BLTP3B: variants seen among roughly 807,000 people sequenced by gnomAD.
BLTP3B encodes UHRF1 (ICBP90) binding protein 1-like.
At chr12:100,106,134 G>A in the BLTP3B span, among the ~76,000 whole-genome samples, 1 of 152,132 alleles carries the variant, frequency 6.6e-6, no homozygotes, top group Non-Finnish European at 1.5e-5. Flanking sequence ...AACCTCAATA[G>A]AAAACAGTAT....
At chr12:100,085,074 G>A in the BLTP3B span, among the ~76,000 whole-genome samples, 1 of 152,152 alleles carries the variant, frequency 6.6e-6, no homozygotes, top group Non-Finnish European at 1.5e-5. Flanking sequence ...AAAATGATAA[G>A]ATGATGATGA....
chr12:100,112,858 C>CA, the BLTP3B span, among the ~76,000 whole-genome samples: 3,902 of 60,246 alleles, frequency 0.065, 139 homozygotes, highest in Admixed American at 0.15. Flanking sequence ...GACTCCATCT[C>CA]AAAAAAAAAA....
the BLTP3B span, chr12:100,089,002 C>T: frequency 6.2e-7 from 1 of 1,611,816 alleles, no homozygotes; most frequent in East Asian, 2.2e-5. Context: ...ACATCAAAAT[C>T]ATTGAATAGT....
the BLTP3B span, among the ~76,000 whole-genome samples, chr12:100,104,556 T>C: frequency 1.3e-5 from 2 of 151,550 alleles, no homozygotes; most frequent in Admixed American, 6.6e-5. Context: ...TTAAAACAAA[T>C]CTTAATATCA....
chr12:100,057,729 C>T, the BLTP3B span: 46 of 1,610,618 alleles, frequency 2.9e-5, no homozygotes, highest in African/African-American at 4.0e-5. Context: ...GGGTGGGCAA[C>T]GTTCCTTAGG....
the BLTP3B span, among the ~76,000 whole-genome samples, chr12:100,071,808 CAAT>C: frequency 6.6e-6 from 1 of 152,010 alleles, no homozygotes; most frequent in African/African-American, 2.4e-5. Context: ...GTTACTTTTT[CAAT>C]AATATATAAA....
At chr12:100,048,899 A>G in the BLTP3B span, among the ~76,000 whole-genome samples, 2 of 151,980 alleles carry the variant, frequency 1.3e-5, no homozygotes, top group African/African-American at 4.8e-5. Flanking sequence ...TTTAAAAACA[A>G]ATTTTAAAAT....
the BLTP3B span, among the ~76,000 whole-genome samples, chr12:100,123,652 C>T: frequency 2.6e-5 from 4 of 152,132 alleles, no homozygotes; most frequent in Non-Finnish European, 5.9e-5. Flanking sequence ...CGGACAGGCT[C>T]TTTGAGTTTG....
chr12:100,132,434 G>A, the BLTP3B span, among the ~76,000 whole-genome samples: 1 of 152,106 alleles, frequency 6.6e-6, no homozygotes, highest in Non-Finnish European at 1.5e-5. Context: ...TCTTGCAGTA[G>A]TAAGTTCTCA....
the BLTP3B span, chr12:100,069,954 G>A: frequency 2.3e-5 from 27 of 1,183,572 alleles, no homozygotes; most frequent in Non-Finnish European, 2.7e-5. Flanking sequence ...AATTATGGGG[G>A]CATGGCTGGA....
chr12:100,065,547 G>A, the BLTP3B span, among the ~76,000 whole-genome samples: 1 of 152,156 alleles, frequency 6.6e-6, no homozygotes, highest in African/African-American at 2.4e-5. Context: ...CTCTGGAAGT[G>A]TCTGTCTTAT....
At chr12:100,070,504 G>A in the BLTP3B span, among the ~76,000 whole-genome samples, 1 of 151,974 alleles carries the variant, frequency 6.6e-6, no homozygotes, top group South Asian at 2.1e-4. Flanking sequence ...TGATCCACCC[G>A]CCTCAGCCTC....
chr12:100,106,505 T>C, the BLTP3B span, among the ~76,000 whole-genome samples: 1 of 152,114 alleles, frequency 6.6e-6, no homozygotes, highest in Non-Finnish European at 1.5e-5. Flanking sequence ...GTAACATGAA[T>C]TGAAAACCAA....
chr12:100,053,420 A>G, the BLTP3B span, among the ~76,000 whole-genome samples: 1,788 of 152,086 alleles, frequency 0.012, 101 homozygotes, highest in Admixed American at 0.095. Context: ...AAATATATAT[A>G]TTTTTTGGCT....
the BLTP3B span, chr12:100,047,803 C>T: frequency 8.8e-7 from 1 of 1,139,474 alleles, no homozygotes. Flanking sequence ...AAGATCTCTA[C>T]ATCATTTACC....
chr12:100,136,077 G>A, the BLTP3B span, among the ~76,000 whole-genome samples: 7 of 151,888 alleles, frequency 4.6e-5, no homozygotes, highest in Admixed American at 3.9e-4. Flanking sequence ...TGGGTGTGGT[G>A]GTGCATGTCT....
chr12:100,084,739 T>C, the BLTP3B span: 3 of 1,392,380 alleles, frequency 2.2e-6, no homozygotes, highest in Non-Finnish European at 2.9e-6. Context: ...CCAATGAGAT[T>C]TAGTCGTTTA....
the BLTP3B span, among the ~76,000 whole-genome samples, chr12:100,124,548 G>C: frequency 6.6e-6 from 1 of 151,446 alleles, no homozygotes; most frequent in African/African-American, 2.4e-5. Flanking sequence ...TTCGAGACCA[G>C]CCTGACCAAC....
the BLTP3B span, among the ~76,000 whole-genome samples, chr12:100,055,167 A>G: frequency 6.6e-6 from 1 of 152,240 alleles, no homozygotes; most frequent in African/African-American, 2.4e-5. Flanking sequence ...TGTGTCAGAT[A>G]GAAGAGCTCA....
Sources: allele counts gnomAD v4.1 joint callset (sites outside exome capture counted in the v4.1 genomes callset), GRCh38; gene constraint gnomAD v4.1.1; transcripts MANE v1.5; gene names NCBI Gene and HGNC (gene_info 2026-07-23, HGNC 2026-07-21).